Variants in EXOC1 observed in about 807,000 individuals in gnomAD.
EXOC1 encodes SEC3-like 1.
EXOC1 carries 67 observed loss-of-function variants against 107.7 expected under a neutral mutation model. That is an observed-to-expected ratio of 0.62 (90% CI 0.51 to 0.76). EXOC1 has a LOEUF of 0.76. Among genes scored for constraint, EXOC1 ranks in the 30% least tolerant of loss-of-function variants. EXOC1 has a pLI of 0.00. For missense variants in EXOC1, 833 were observed against 1,055.7 expected, an observed-to-expected ratio of 0.79 and a Z score of 2.92; for synonymous variants, 348 against 353.5, an observed-to-expected ratio of 0.98 and a Z score of 0.17.
chr4:55,868,292 T>C (rs1360439912), intron 4 of EXOC1, 44 bp from the exon 5 acceptor site: 2 of 1,532,936 alleles, frequency 1.3e-6, no homozygotes, highest in East Asian at 4.7e-5. Context: ...TATAGTCTTT[T>C]CTACTTTTTT....
intron 17 of EXOC1, among the ~76,000 whole-genome samples, chr4:55,901,437 C>T (rs533038193): frequency 2.0e-5 from 3 of 152,032 alleles, no homozygotes; most frequent in South Asian, 2.1e-4. Context: ...TTCTTTGTAT[C>T]GTGCTCAAAT....
At position 55,902,415 on chromosome 4, in the gene EXOC1, A is replaced by G. The variant is rs1172951914; in HGVS notation, c.2409A>G (p.Ala803=). 1.9e-6 allele frequency: 3 copies of G among 1,587,452 alleles called. No individual in the cohort carries two copies. The highest frequency in any genetic ancestry group is 2.6e-6 in the Non-Finnish European group (3 of 1,168,740). ...IREEEVSYQL[A]FNKQELRKVI... is the part of the protein sequence containing the mutation. ...AGGAGGAAGTAAGTTACCAACTTGC[A>G]TTTAACAAACAAGAACTTCGTAAAG... Residue 803 remains alanine (A), a synonymous_variant, in exon 18 of 19, where the codon GCA becomes GCG. Transcript: ENST00000381295.
rs78550893 is a variant in EXOC1 at position 55,876,637 on chromosome 4, C to T, written c.1075-1280C>T. On this transcript the variant is annotated intron_variant, in intron 8 of 18. Coordinates refer to ENST00000381295, the MANE Select transcript of EXOC1 (RefSeq NM_001024924.2). ...CTGTGGTAGCTGTGAACTTCTGTTG[C>T]CCCTGTGTTCTAGTTCTTGTTATTT... 4,041 of 985,182 alleles carry T rather than the reference C, an allele frequency of 4.1e-3. 25 individuals carry two copies. The highest frequency in any genetic ancestry group is 0.026 in the African/African-American group (1,506 of 57,288). 61.0% of individuals were successfully genotyped at this position (985,182 alleles called of 1,614,324 possible).
At position 55,880,482 on chromosome 4, in the gene EXOC1, T is replaced by A. The variant is rs566465799; in HGVS notation, c.1224+2416T>A. Among the ~76,000 whole-genome samples the A allele has an allele frequency of 5.3e-5, 8 of 152,254 alleles. No individual in the cohort carries two copies. In the East Asian group the frequency reaches 1.5e-3, roughly 29 times the overall value. ...ACAGAATTCAGATTTGGAGATATCTTAAGGAAAAAATTTACATTACTGGAA... is the reference window on the plus strand; with the variant it reads ...ACAGAATTCAGATTTGGAGATATCTAAAGGAAAAAATTTACATTACTGGAA... On this transcript the variant is annotated intron_variant, in intron 9 of 18. Coordinates refer to ENST00000381295, the MANE Select transcript of EXOC1 (RefSeq NM_001024924.2).
chr4:55,878,675 T>A (rs950621420), intron 9 of EXOC1, among the ~76,000 whole-genome samples: 2 of 152,136 alleles, frequency 1.3e-5, no homozygotes, highest in African/African-American at 4.8e-5. Context: ...TTTTAAATAA[T>A]GAGTGCAATT....
At position 55,891,313 on chromosome 4, in the gene EXOC1, A is replaced by G. The variant is rs1724515984; in HGVS notation, c.1540-2A>G. On this transcript the variant is annotated splice_acceptor_variant, in intron 12 of 18. Coordinates refer to ENST00000381295, the MANE Select transcript of EXOC1 (RefSeq NM_001024924.2). LOFTEE classifies it high-confidence loss of function. ...TTATAGGATCACTTTGGTTTTCTTC[A>G]GATCTTTGAACAGGTACTAAGTGAA... 2 of 1,607,462 alleles carry G rather than the reference A, an allele frequency of 1.2e-6. No individual in the cohort carries two copies. Among genetic ancestry groups the G allele is most frequent in the African/African-American group, 1.3e-5 (1 of 74,792 alleles).
chr4:55,870,884 A>G lies in EXOC1; in HGVS notation c.810A>G (p.Leu270=), dbSNP rs200395524. Residue 270 remains leucine (L), a synonymous_variant, in exon 6 of 19, where the codon CTA becomes CTG. Coordinates refer to ENST00000381295, the MANE Select transcript of EXOC1 (RefSeq NM_001024924.2). ...GTAACACTAATAATGTAAAACTCCTATCTGAGATAGAGTTCCTTGTGGTAA... is the reference window on the plus strand; with the variant it reads ...GTAACACTAATAATGTAAAACTCCTGTCTGAGATAGAGTTCCTTGTGGTAA... ...HLSNTNNVKL[L]SEIEFLVNHM... The G allele has an allele frequency of 1.6e-5, 26 of 1,613,516 alleles. No individual in the cohort carries two copies. Among genetic ancestry groups the G allele is most frequent in the Admixed American group, 8.3e-5 (5 of 59,986 alleles).
Position 55,870,913 on chromosome 4 carries a change from TG to T in EXOC1, c.831+9del, listed in dbSNP as rs755975266. The T allele has an allele frequency of 6.7e-5, 107 of 1,591,708 alleles. No homozygotes were observed. The highest frequency in any genetic ancestry group is 9.0e-5 in the Non-Finnish European group (105 of 1,169,154). On this transcript the variant is annotated intron_variant, in intron 6 of 18. Coordinates refer to ENST00000381295, the MANE Select transcript of EXOC1 (RefSeq NM_001024924.2). ...GAGATAGAGTTCCTTGTGGTAAGTA[TG>T]ATCATAAATTACCAACAAAAAAAAA...
intron 18 of EXOC1, 106 bp downstream of exon 18, chr4:55,902,644 C>A: frequency 1.2e-6 from 1 of 844,732 alleles, no homozygotes; most frequent in Non-Finnish European, 1.7e-6. Context: ...GAGGAGAGTT[C>A]CATTAGAGTA....
At chr4:55,886,720 G>A (rs2109438396) in intron 10 of EXOC1, among the ~76,000 whole-genome samples, 1 of 152,212 alleles carries the variant, frequency 6.6e-6, no homozygotes, top group African/African-American at 2.4e-5. Context: ...AATTAATTTT[G>A]CTTTTTGCTT....
At chr4:55,869,316 A>C (rs1722226506) in intron 5 of EXOC1, among the ~76,000 whole-genome samples, 1 of 152,158 alleles carries the variant, frequency 6.6e-6, no homozygotes, top group Non-Finnish European at 1.5e-5. Context: ...CCGTGAACTG[A>C]GATCGTGCCA....
intron 8 of EXOC1, chr4:55,876,777 A>G: frequency 1.0e-6 from 1 of 984,922 alleles, no homozygotes; most frequent in Non-Finnish European, 1.2e-6. Flanking sequence ...GTTGTTTTCT[A>G]CCATTTTATA....
At chr4:55,886,134 G>T (rs1302775698) in intron 10 of EXOC1, among the ~76,000 whole-genome samples, 3 of 152,102 alleles carry the variant, frequency 2.0e-5, no homozygotes. Flanking sequence ...AAATGATTTT[G>T]CCCAACTCTA....
In EXOC1 at chr4:55,858,323, G is replaced by C. The variant is rs142041450; in HGVS notation, c.-1G>C. 53 of 1,604,370 alleles carry C rather than the reference G, an allele frequency of 3.3e-5. No individual in the cohort carries two copies. In the Admixed American group the frequency reaches 5.3e-4, roughly 16 times the overall value. Reference sequence around the variant, plus strand: ...ACTCCACATTTTTCAGCTGAGAAAAGATGACAGCAATCAAGCATGCATTAC... The same window carrying C: ...ACTCCACATTTTTCAGCTGAGAAAACATGACAGCAATCAAGCATGCATTAC... On this transcript the variant is annotated 5_prime_UTR_variant, in exon 2 of 19. Transcript: ENST00000381295.
chr4:55,871,589 C>G (rs1049490466), intron 7 of EXOC1, among the ~76,000 whole-genome samples: 1 of 152,084 alleles, frequency 6.6e-6, no homozygotes. Context: ...TTGCCTGGCC[C>G]CAGTCCCAGA....
At chr4:55,887,577 G>T (rs1724045277) in intron 10 of EXOC1, among the ~76,000 whole-genome samples, 2 of 152,024 alleles carry the variant, frequency 1.3e-5, no homozygotes, top group Admixed American at 1.3e-4. Flanking sequence ...TACTAAGTCT[G>T]TATTCCTTAT....
chr4:55,875,666 T>A (rs1287647709), intron 8 of EXOC1: 1 of 985,278 alleles, frequency 1.0e-6, no homozygotes, highest in African/African-American at 1.7e-5. Flanking sequence ...AGGAAGATTG[T>A]TTTGGATAAC....
intron 14 of EXOC1, 147 bp from the exon 15 acceptor site, chr4:55,893,405 C>T: frequency 1.4e-6 from 1 of 738,904 alleles, no homozygotes; most frequent in South Asian, 1.9e-5. Flanking sequence ...CAGGCGTGAG[C>T]CACCACGCCT....
At chr4:55,862,321 T>C (rs574991690) in intron 3 of EXOC1, among the ~76,000 whole-genome samples, 1 of 152,308 alleles carries the variant, frequency 6.6e-6, no homozygotes, top group East Asian at 1.9e-4. Context: ...AATGGATTTT[T>C]TTTTTTTGCA....
Sources: gnomAD v4.1 joint callset for allele counts (sites outside exome capture counted in the v4.1 genomes callset) on GRCh38, gnomAD v4.1.1 for gene constraint, MANE v1.5 for transcripts, NCBI Gene and HGNC (gene_info 2026-07-23, HGNC 2026-07-21) for gene names.